DNAH12: variants seen among roughly 807,000 people sequenced by gnomAD.
The protein encoded by DNAH12 is axonemal beta dynein heavy chain 12.
DNAH12 carries 285 observed loss-of-function variants against 371.5 expected under a neutral mutation model. The ratio of observed to expected loss-of-function variants is 0.77; its 90% CI spans 0.70 to 0.85. The LOEUF (loss-of-function observed/expected upper bound fraction) is 0.85. DNAH12 is among the 40% of genes least tolerant of loss of function. The probability of loss-of-function intolerance (pLI) is 0.00; values close to 1 mark genes in which losing one functional copy is unlikely to be tolerated. For synonymous variants in DNAH12, 1,200 were observed against 1,213.0 expected (o/e 0.99, Z 0.22); for missense variants, 3,611 against 3,689.4 (o/e 0.98, Z 0.55).
chr3:57,459,545 C>T, intron 20 of DNAH12, 47 bp downstream of exon 20: 1 of 1,301,272 alleles, frequency 7.7e-7, no homozygotes, highest in Non-Finnish European at 9.9e-7. Flanking sequence ...ACTTAATTTC[C>T]AAAAACAAAG....
chr3:57,384,413 G>T (rs1177146233), intron 49 of DNAH12, among the ~76,000 whole-genome samples: 3 of 152,106 alleles, frequency 2.0e-5, no homozygotes, highest in African/African-American at 7.2e-5. Flanking sequence ...AAGGTGGGAG[G>T]ATCGCTTGAG....
intron 65 of DNAH12, among the ~76,000 whole-genome samples, chr3:57,316,870 T>A (rs1160354598): frequency 6.6e-6 from 1 of 152,176 alleles, no homozygotes; most frequent in East Asian, 1.9e-4. Flanking sequence ...CCATGTGGAA[T>A]TGTAAGTCAA....
At chr3:57,390,424 A>AAAAAAAATATATATATATATATAT in intron 45 of DNAH12, among the ~76,000 whole-genome samples, 15 of 33,430 alleles carry the variant, frequency 4.5e-4, no homozygotes, top group Non-Finnish European at 7.7e-4. Context: ...AAAAAAAAAA[A>AAAAAAAATATATATATATATATAT]ATATATATAT....
At chr3:57,393,533 G>C (rs2063669818) in intron 44 of DNAH12, among the ~76,000 whole-genome samples, 1 of 149,832 alleles carries the variant, frequency 6.7e-6, no homozygotes, top group African/African-American at 2.5e-5. Context: ...GGCTGAGGCA[G>C]GAGAATGGCG....
intron 4 of DNAH12, 22 bp from the exon 5 acceptor site, chr3:57,511,001 A>G: frequency 9.6e-6 from 15 of 1,557,192 alleles, no homozygotes; most frequent in Non-Finnish European, 1.3e-5. Context: ...AGAAAAAATT[A>G]AATGTTCTGC....
At chr3:57,404,027 A>T (rs1319674046) in intron 42 of DNAH12, among the ~76,000 whole-genome samples, 2 of 145,112 alleles carry the variant, frequency 1.4e-5, no homozygotes, top group Non-Finnish European at 3.2e-5. Context: ...AATAATAATC[A>T]CTTTAAAAGA....
chr3:57,317,600 T>C (rs1346396668), intron 65 of DNAH12, among the ~76,000 whole-genome samples: 1 of 152,198 alleles, frequency 6.6e-6, no homozygotes, highest in Non-Finnish European at 1.5e-5. Context: ...TTAGGATGTT[T>C]CCACATACTG....
At position 57,445,372 on chromosome 3, in the gene DNAH12, T is replaced by G; in HGVS notation, c.4227A>C (p.Ile1409=). Reference sequence around the variant, plus strand: ...CGTAAGAGTAGAGGGAGATTTCTGCTATAAGCGCATAGTTTGGAACCATCA... The same window carrying G: ...CGTAAGAGTAGAGGGAGATTTCTGCGATAAGCGCATAGTTTGGAACCATCA... ...VAMMVPNYAL[I]AEISLYSYGF... The change falls in exon 28 of 74, where the codon ATA becomes ATC. Residue 1409 remains isoleucine, a synonymous_variant. Transcript: ENST00000495027. 1 of 1,550,782 alleles carries G rather than the reference T, an allele frequency of 6.4e-7. No homozygotes were observed. The highest frequency in any genetic ancestry group is 8.7e-7 in the Non-Finnish European group (1 of 1,146,788).
intron 5 of DNAH12, among the ~76,000 whole-genome samples, chr3:57,510,353 G>A (rs2067940960): frequency 6.6e-6 from 1 of 152,088 alleles, no homozygotes; most frequent in Non-Finnish European, 1.5e-5. Context: ...AATACATATA[G>A]TTAAGGCTGG....
chr3:57,348,700 T>C (rs537763940), intron 60 of DNAH12, among the ~76,000 whole-genome samples: 2 of 152,182 alleles, frequency 1.3e-5, no homozygotes, highest in Non-Finnish European at 2.9e-5. Flanking sequence ...TGAAACATTA[T>C]AGAGTGAAAT....
At chr3:57,393,180 G>A (rs1454737407) in intron 44 of DNAH12, among the ~76,000 whole-genome samples, 4 of 152,296 alleles carry the variant, frequency 2.6e-5, no homozygotes, top group Non-Finnish European at 5.9e-5. Flanking sequence ...TTTCATGGAA[G>A]AGAAAAGCAG....
At chr3:57,548,908 A>C (rs1423576260), upstream of DNAH12, 1 of 152,254 alleles carries the variant, frequency 6.6e-6, no homozygotes, top group Non-Finnish European at 1.5e-5. Flanking sequence ...TGCCTGCATA[A>C]GGATGACACA....
At chr3:57,326,794 T>G (rs980617141) in intron 62 of DNAH12, among the ~76,000 whole-genome samples, 29 of 152,278 alleles carry the variant, frequency 1.9e-4, no homozygotes, top group Admixed American at 1.4e-3. Context: ...GACCCATCAG[T>G]GTGTTGTATT....
chr3:57,361,571 T>C (rs1354162649), intron 58 of DNAH12, among the ~76,000 whole-genome samples: 2 of 151,280 alleles, frequency 1.3e-5, no homozygotes, highest in East Asian at 3.9e-4. Context: ...CTTATACCTG[T>C]CTTCCCGACG....
chr3:57,484,115 T>A (rs1378603283), intron 12 of DNAH12, among the ~76,000 whole-genome samples: 5 of 152,098 alleles, frequency 3.3e-5, no homozygotes, highest in Admixed American at 1.3e-4. Context: ...AACACTCATC[T>A]TTCTGGATTG....
intron 13 of DNAH12, among the ~76,000 whole-genome samples, chr3:57,482,155 T>C (rs1218154598): frequency 1.3e-5 from 2 of 151,736 alleles, no homozygotes; most frequent in Non-Finnish European, 2.9e-5. Context: ...TGGCAGAAAA[T>C]TTTTGCAATC....
chr3:57,318,945 G>C (rs1470237336), intron 65 of DNAH12, among the ~76,000 whole-genome samples: 1 of 152,070 alleles, frequency 6.6e-6, no homozygotes, highest in Non-Finnish European at 1.5e-5. Context: ...AATTAAATCT[G>C]TAGATCACTT....
intron 60 of DNAH12, among the ~76,000 whole-genome samples, chr3:57,348,261 A>G (rs183815517): frequency 6.6e-6 from 1 of 152,316 alleles, no homozygotes; most frequent in Admixed American, 6.5e-5. Context: ...CTGAAAAGGC[A>G]TACATAGCGC....
chr3:57,548,161 C>A (rs1458931886), upstream of DNAH12, among the ~76,000 whole-genome samples: 4 of 152,048 alleles, frequency 2.6e-5, no homozygotes, highest in Admixed American at 6.6e-5. Flanking sequence ...TGATAACATA[C>A]AAAAAGACAC....
Sources: allele counts gnomAD v4.1 joint callset (sites outside exome capture counted in the v4.1 genomes callset), GRCh38; gene constraint gnomAD v4.1.1; transcripts MANE v1.5; gene names NCBI Gene and HGNC (gene_info 2026-07-23, HGNC 2026-07-21).